TMEM131L: variants seen among roughly 807,000 people sequenced by gnomAD.
TMEM131L encodes transmembrane protein 131-like.
Under a neutral mutation model 192.2 loss-of-function variants are expected in TMEM131L, and 54 were observed. That is an observed-to-expected ratio of 0.28 (90% CI 0.23 to 0.35). The LOEUF (loss-of-function observed/expected upper bound fraction) is 0.35, where lower values mean the gene tolerates loss of function less well. Among genes scored for constraint, TMEM131L ranks in the 10% least tolerant of loss-of-function variants. The pLI, the probability that TMEM131L is intolerant of heterozygous loss-of-function variation, is 1.00. For synonymous variants in TMEM131L, 701 were observed against 704.9 expected (o/e 0.99, Z 0.09); for missense variants, 1,888 against 1,972.9 (o/e 0.96, Z 0.82).
intron 3 of TMEM131L, among the ~76,000 whole-genome samples, chr4:153,518,728 TTACTG>T (rs1324442404): frequency 2.0e-5 from 3 of 152,182 alleles, no homozygotes; most frequent in African/African-American, 7.2e-5. Context: ...TGGTACGAGT[TTACTG>T]TAAAAATCAA....
chr4:153,556,765 G>A (rs1728486641), intron 5 of TMEM131L, among the ~76,000 whole-genome samples: 2 of 152,244 alleles, frequency 1.3e-5, no homozygotes, highest in East Asian at 1.9e-4. Flanking sequence ...TTCATCCTAA[G>A]TTAGTGGTAA....
At chr4:153,571,189 A>G (rs1729565607) in intron 7 of TMEM131L, among the ~76,000 whole-genome samples, 1 of 152,150 alleles carries the variant, frequency 6.6e-6, no homozygotes, top group African/African-American at 2.4e-5. Context: ...TGCGTTGCAT[A>G]ATCTTACATA....
At chr4:153,488,584 G>T (rs766809920) in intron 3 of TMEM131L, among the ~76,000 whole-genome samples, 5 of 152,248 alleles carry the variant, frequency 3.3e-5, no homozygotes, top group Non-Finnish European at 2.9e-5. Context: ...ATTCCCTGCG[G>T]CTCTGTTGTG....
chr4:153,551,322 A>G (rs1402140800), intron 4 of TMEM131L, among the ~76,000 whole-genome samples: 1 of 151,824 alleles, frequency 6.6e-6, no homozygotes, highest in Non-Finnish European at 1.5e-5. Flanking sequence ...CTAATCATCA[A>G]AATGTTAGAG....
chr4:153,521,406 T>A (rs1735102828), intron 3 of TMEM131L, among the ~76,000 whole-genome samples: 1 of 152,226 alleles, frequency 6.6e-6, no homozygotes, highest in Non-Finnish European at 1.5e-5. Flanking sequence ...CTAGAACCAT[T>A]GTACATTGCT....
intron 3 of TMEM131L, among the ~76,000 whole-genome samples, chr4:153,526,142 CCACCA>C (rs1052401195): frequency 1.3e-5 from 2 of 152,154 alleles, no homozygotes; most frequent in Admixed American, 1.3e-4. Flanking sequence ...CAGGCGTGAG[CCACCA>C]CACCCAGCCT....
chr4:153,522,797 C>G (rs1211363598), intron 3 of TMEM131L, among the ~76,000 whole-genome samples: 1 of 152,192 alleles, frequency 6.6e-6, no homozygotes, highest in Admixed American at 6.5e-5. Flanking sequence ...CTCACCTCAC[C>G]TCCCCATCCC....
intron 3 of TMEM131L, among the ~76,000 whole-genome samples, chr4:153,504,056 T>C (rs568558106): frequency 6.6e-6 from 1 of 152,062 alleles, no homozygotes; most frequent in African/African-American, 2.4e-5. Flanking sequence ...AAGCTCCACC[T>C]CCTGGGTTCA....
chr4:153,580,115 CTT>C (rs142677869), intron 7 of TMEM131L, among the ~76,000 whole-genome samples: 3,204 of 152,256 alleles, frequency 0.021, 79 homozygotes, highest in Middle Eastern at 0.085. Context: ...CACTGAGTAA[CTT>C]TTTGCTGTAT....
chr4:153,548,144 C>T (rs887766770), intron 3 of TMEM131L, among the ~76,000 whole-genome samples: 5 of 152,238 alleles, frequency 3.3e-5, no homozygotes, highest in Middle Eastern at 3.4e-3. Flanking sequence ...ACGTCGTTTC[C>T]GGAGGCAACT....
chr4:153,548,927 G>A (rs947262981), intron 3 of TMEM131L, among the ~76,000 whole-genome samples: 7 of 152,072 alleles, frequency 4.6e-5, no homozygotes, highest in African/African-American at 1.4e-4. Context: ...ATGGCTGCTC[G>A]GTGGGAGGAG....
chr4:153,528,033 C>T (rs1428895196), intron 3 of TMEM131L, among the ~76,000 whole-genome samples: 1 of 152,176 alleles, frequency 6.6e-6, no homozygotes, highest in East Asian at 1.9e-4. Flanking sequence ...ACCGTCTGGT[C>T]TGAATTTCCT....
At chr4:153,518,352 C>A (rs1734878136) in intron 3 of TMEM131L, among the ~76,000 whole-genome samples, 1 of 152,116 alleles carries the variant, frequency 6.6e-6, no homozygotes. Context: ...CTGTGTCCAC[C>A]AGGGGTAGAA....
rs1006739325 is a variant in TMEM131L at position 153,466,516 on chromosome 4, G to A, written c.119G>A (p.Gly40Glu). Residue 40 changes from glycine (G) to glutamate (E), a missense_variant, in exon 1 of 35, where the codon GGA becomes GAA. By Grantham distance (98) the Gly-to-Glu change is moderately conservative (BLOSUM62 -2). Transcript: ENST00000409959. Reference protein sequence around the residue: ...LPCCRPGGAQGQAIEPLPNVV... With the variant: ...LPCCRPGGAQEQAIEPLPNVV... ...TGCTGTCGCCCGGGAGGGGCTCAGG[G>A]ACAAGGTCAGCCTTGCGCCGCTGGG... 6.5e-6 allele frequency: 9 copies of A among 1,385,968 alleles called. No individual in the cohort carries two copies. In the African/African-American group the frequency reaches 1.3e-4, roughly 21 times the overall value. The allele number at this position is 1,385,968 out of a possible 1,614,324, so 85.9% of individuals were successfully genotyped here.
At chr4:153,518,146 T>C (rs893337880) in intron 3 of TMEM131L, among the ~76,000 whole-genome samples, 2 of 152,068 alleles carry the variant, frequency 1.3e-5, no homozygotes, top group Non-Finnish European at 2.9e-5. Context: ...TCCAGCCAGG[T>C]TCCTGTTTAG....
intron 9 of TMEM131L, among the ~76,000 whole-genome samples, chr4:153,582,336 C>T (rs1216453835): frequency 6.6e-6 from 1 of 151,402 alleles, no homozygotes; most frequent in Non-Finnish European, 1.5e-5. Flanking sequence ...CCTCAGCCTC[C>T]TGGGCTCAAG....
intron 15 of TMEM131L, among the ~76,000 whole-genome samples, chr4:153,588,050 T>TC (rs992925461): frequency 4.6e-5 from 7 of 151,176 alleles, no homozygotes; most frequent in African/African-American, 1.7e-4. Flanking sequence ...GGTTTTTTTT[T>TC]TTTTTTTTCA....
chr4:153,591,270 C>A, intron 17 of TMEM131L, 76 bp downstream of exon 17: 2 of 1,375,826 alleles, frequency 1.5e-6, no homozygotes, highest in South Asian at 3.4e-5. Flanking sequence ...CAGATTGTGT[C>A]CACCTTTAGC....
chr4:153,586,394 A>G lies in TMEM131L; in HGVS notation c.1482+15A>G. On this transcript the variant is annotated intron_variant, in intron 14 of 34. Transcript: ENST00000409959. ...CACCAACCAAGGTATTTTCTACAAT[A>G]CTATATGTGTGTTACAGTTTTCTTA... The G allele has an allele frequency of 6.4e-7, 1 of 1,556,252 alleles. No individual in the cohort carries two copies. Among genetic ancestry groups the G allele is most frequent in the Non-Finnish European group, 8.7e-7 (1 of 1,153,782 alleles).
Sources: gnomAD v4.1 joint callset for allele counts (sites outside exome capture counted in the v4.1 genomes callset) on GRCh38, gnomAD v4.1.1 for gene constraint, MANE v1.5 for transcripts, NCBI Gene and HGNC (gene_info 2026-07-23, HGNC 2026-07-21) for gene names.